The following MIS18A variants were observed in gnomAD, a reference collection of about 807,000 sequenced individuals.
MIS18A encodes MIS18 kinetochore protein A.
MIS18A carries 14 observed loss-of-function variants against 25.0 expected under a neutral mutation model. The observed-to-expected ratio is 0.56, with a 90% CI of 0.37 to 0.88. MIS18A has a LOEUF of 0.88. Ranked by LOEUF, MIS18A falls within the 40% of genes least tolerant of loss-of-function variation. MIS18A has a pLI of 0.00. For missense variants in MIS18A, 292 were observed against 290.8 expected (o/e 1.00, Z -0.03); for synonymous variants, 134 against 118.6 (o/e 1.13, Z -0.84).
the MIS18A span, among the ~76,000 whole-genome samples, chr21:32,259,647 T>A: frequency 0.013 from 1,981 of 152,306 alleles, 36 homozygotes; most frequent in African/African-American, 0.044. Flanking sequence ...AGTCTCCTCT[T>A]GGGATGTGCC....
chr21:32,185,147 C>T, the MIS18A span, among the ~76,000 whole-genome samples: 166 of 152,220 alleles, frequency 1.1e-3, 1 homozygote, highest in African/African-American at 3.0e-3. Flanking sequence ...CCCCTTCAGA[C>T]GGGTCTCTCC....
intron 1 of MIS18A, 46 bp from the exon 2 acceptor site, chr21:32,274,942 T>C (rs1283661476): frequency 2.7e-6 from 4 of 1,468,216 alleles, no homozygotes; most frequent in East Asian, 4.5e-5. Flanking sequence ...TAGTTCGTTA[T>C]AACATACCTG....
chr21:32,253,298 T>C, the MIS18A span, among the ~76,000 whole-genome samples: 1 of 152,154 alleles, frequency 6.6e-6, no homozygotes. Context: ...GAGTGACAGG[T>C]ACACAGCGGG....
the MIS18A span, among the ~76,000 whole-genome samples, chr21:32,256,249 C>T: frequency 6.6e-6 from 1 of 152,186 alleles, no homozygotes; most frequent in African/African-American, 2.4e-5. Flanking sequence ...TGTGCTCCCT[C>T]AGAGAGTACC....
At chr21:32,208,415 C>T in the MIS18A span, among the ~76,000 whole-genome samples, 2 of 152,122 alleles carry the variant, frequency 1.3e-5, no homozygotes, top group Non-Finnish European at 2.9e-5. Context: ...GACCTCCCCC[C>T]TCTCTTGCCC....
intron 2 of MIS18A, among the ~76,000 whole-genome samples, chr21:32,271,734 T>C (rs896809704): frequency 1.3e-5 from 2 of 152,268 alleles, no homozygotes; most frequent in South Asian, 2.1e-4. Flanking sequence ...GGAGTCACCA[T>C]ACCCAGCCAG....
intron 2 of MIS18A, among the ~76,000 whole-genome samples, chr21:32,273,938 C>T (rs529906444): frequency 1.5e-4 from 23 of 152,230 alleles, no homozygotes; most frequent in African/African-American, 5.5e-4. Context: ...TTTGCTCAGG[C>T]GTCACTATGG....
chr21:32,269,155 C>T (rs1292568321), intron 4 of MIS18A, 38 bp from the exon 5 acceptor site: 1 of 1,395,616 alleles, frequency 7.2e-7, no homozygotes, highest in Admixed American at 2.1e-5. Flanking sequence ...AAGAAACACA[C>T]ATATAATTAA....
the MIS18A span, among the ~76,000 whole-genome samples, chr21:32,168,433 ATG>A: frequency 6.6e-6 from 1 of 152,250 alleles, no homozygotes; most frequent in African/African-American, 2.4e-5. Context: ...CAGGAGACTT[ATG>A]TTAAAAATGG....
At chr21:32,206,082 G>A in the MIS18A span, among the ~76,000 whole-genome samples, 1 of 152,068 alleles carries the variant, frequency 6.6e-6, no homozygotes, top group South Asian at 2.1e-4. Context: ...GGTCCTCCAG[G>A]CCAAACTCAG....
At chr21:32,260,795 C>G in the MIS18A span, 1 of 152,392 alleles carries the variant, frequency 6.6e-6, no homozygotes, top group Non-Finnish European at 1.5e-5. Flanking sequence ...GGAGGATCAC[C>G]TGAGGTCATA....
At chr21:32,214,974 G>A in the MIS18A span, among the ~76,000 whole-genome samples, 1 of 152,224 alleles carries the variant, frequency 6.6e-6, no homozygotes, top group Non-Finnish European at 1.5e-5. Context: ...TCCAGGCTGA[G>A]TCTCCCGGAG....
chr21:32,221,870 C>T, the MIS18A span, among the ~76,000 whole-genome samples: 3 of 151,380 alleles, frequency 2.0e-5, no homozygotes, highest in African/African-American at 7.3e-5. Flanking sequence ...CCAGCCTGGA[C>T]AACAAGCAAG....
chr21:32,179,020 T>C, the MIS18A span, among the ~76,000 whole-genome samples: 4 of 152,160 alleles, frequency 2.6e-5, no homozygotes, highest in African/African-American at 7.2e-5. Flanking sequence ...ATTTAGAATG[T>C]TAGAATTTTA....
the MIS18A span, among the ~76,000 whole-genome samples, chr21:32,193,188 G>A: frequency 6.6e-6 from 1 of 152,144 alleles, no homozygotes; most frequent in South Asian, 2.1e-4. Flanking sequence ...CAAGAGGTGA[G>A]GGCATGAGGA....
chr21:32,274,758 A>G (rs1440652401), intron 2 of MIS18A, 72 bp downstream of exon 2: 1 of 1,146,880 alleles, frequency 8.7e-7, no homozygotes, highest in African/African-American at 1.6e-5. Context: ...TCTTACTACT[A>G]GTAATGACCT....
At chr21:32,166,049 G>A in the MIS18A span, among the ~76,000 whole-genome samples, 4 of 152,132 alleles carry the variant, frequency 2.6e-5, no homozygotes, top group East Asian at 1.9e-4. Flanking sequence ...ATGCTAGGAC[G>A]GGAACTAAAT....
chr21:32,228,765 C>A, the MIS18A span, among the ~76,000 whole-genome samples: 152 of 152,022 alleles, frequency 1.0e-3, no homozygotes, highest in Non-Finnish European at 1.2e-3. Flanking sequence ...CATTTATAAT[C>A]AAAAAGAATA....
intron 2 of MIS18A, among the ~76,000 whole-genome samples, chr21:32,272,928 A>ATTAGTCC (rs1448867680): frequency 6.6e-6 from 1 of 152,170 alleles, no homozygotes; most frequent in Non-Finnish European, 1.5e-5. Context: ...CTTACTGCTA[A>ATTAGTCC]TTAGTCCTGT....
Sources: allele counts gnomAD v4.1 joint callset (sites outside exome capture counted in the v4.1 genomes callset), GRCh38; gene constraint gnomAD v4.1.1; transcripts MANE v1.5; gene names NCBI Gene and HGNC (gene_info 2026-07-23, HGNC 2026-07-21).